Variants in CRB1 observed in about 807,000 individuals in gnomAD.
CRB1 encodes crumbs cell polarity complex component 1.
A neutral mutation model predicts 120.0 loss-of-function variants in CRB1; 83 were observed. That is an observed-to-expected ratio of 0.69 (90% CI 0.58 to 0.83). The LOEUF (loss-of-function observed/expected upper bound fraction) is 0.83. CRB1 is among the 40% of genes least tolerant of loss of function. CRB1 has a pLI of 0.00. For synonymous variants in CRB1, 625 were observed against 612.5 expected, an observed-to-expected ratio of 1.02 and a Z score of -0.30; for missense variants, 1,699 against 1,687.6, an observed-to-expected ratio of 1.01 and a Z score of -0.12.
chr1:197,374,123 AGTT>A (rs1454294908), intron 5 of CRB1, among the ~76,000 whole-genome samples: 1 of 152,122 alleles, frequency 6.6e-6, no homozygotes, highest in Non-Finnish European at 1.5e-5. Flanking sequence ...CCTTTGCTGT[AGTT>A]CGTGGTAGTG....
At chr1:197,299,636 A>C (rs918347564) in intron 1 of CRB1, among the ~76,000 whole-genome samples, 2 of 152,166 alleles carry the variant, frequency 1.3e-5, no homozygotes, top group African/African-American at 4.8e-5. Flanking sequence ...GAAAAAAAAA[A>C]CTGTAGTATA....
At chr1:197,271,986 G>A (rs937875733) in intron 1 of CRB1, among the ~76,000 whole-genome samples, 1 of 152,122 alleles carries the variant, frequency 6.6e-6, no homozygotes, top group African/African-American at 2.4e-5. Flanking sequence ...AGAGTTTGGG[G>A]TAGCATCCAG....
At chr1:197,475,586 T>C (rs565884406) in intron 11 of CRB1, among the ~76,000 whole-genome samples, 1 of 152,328 alleles carries the variant, frequency 6.6e-6, no homozygotes, top group African/African-American at 2.4e-5. Flanking sequence ...CTCCACCCTG[T>C]TACCAGAGCT....
chr1:197,298,054 C>A (rs1397489604), intron 1 of CRB1, among the ~76,000 whole-genome samples: 1 of 151,862 alleles, frequency 6.6e-6, no homozygotes, highest in East Asian at 1.9e-4. Flanking sequence ...GAGGGGAAGG[C>A]AGATACTACA....
the CRB1 span, among the ~76,000 whole-genome samples, chr1:197,249,006 C>G: frequency 2.0e-5 from 3 of 151,850 alleles, no homozygotes; most frequent in East Asian, 1.9e-4. Flanking sequence ...CTCAGCCACC[C>G]AAGTGTTCTT....
chr1:197,378,084 A>G (rs901748169), intron 5 of CRB1, among the ~76,000 whole-genome samples: 1 of 152,168 alleles, frequency 6.6e-6, no homozygotes, highest in African/African-American at 2.4e-5. Context: ...GTTGACATGT[A>G]AGTTTTCTGG....
intron 5 of CRB1, 50 bp from the exon 6 acceptor site, chr1:197,420,950 A>G (rs1664272884): frequency 8.4e-7 from 1 of 1,187,058 alleles, no homozygotes; most frequent in Non-Finnish European, 1.3e-6. Flanking sequence ...TGAAACTTCT[A>G]TTTTTGATGT....
intron 7 of CRB1, among the ~76,000 whole-genome samples, chr1:197,428,251 C>T (rs1202368578): frequency 1.1e-4 from 16 of 152,168 alleles, no homozygotes; most frequent in Non-Finnish European, 2.4e-4. Context: ...ATAGGCTTCT[C>T]TCACCCTCAC....
the CRB1 span, among the ~76,000 whole-genome samples, chr1:197,235,118 A>C: frequency 6.6e-6 from 1 of 152,176 alleles, no homozygotes; most frequent in African/African-American, 2.4e-5. Context: ...AAGTAGGCAA[A>C]TATATGGGAA....
intron 1 of CRB1, among the ~76,000 whole-genome samples, chr1:197,297,783 A>G (rs1012539050): frequency 2.0e-5 from 3 of 152,140 alleles, no homozygotes; most frequent in African/African-American, 7.2e-5. Context: ...TATAGAACTT[A>G]GAGGGGAAAA....
At chr1:197,471,958 T>G (rs1287047216) in intron 11 of CRB1, among the ~76,000 whole-genome samples, 1 of 152,220 alleles carries the variant, frequency 6.6e-6, no homozygotes, top group Non-Finnish European at 1.5e-5. Flanking sequence ...GGATGAGCAT[T>G]CGAGAGATGC....
At chr1:197,246,909 T>C in the CRB1 span, among the ~76,000 whole-genome samples, 1 of 152,082 alleles carries the variant, frequency 6.6e-6, no homozygotes, top group Non-Finnish European at 1.5e-5. Context: ...GCTTACATCA[T>C]GGAATTACTT....
chr1:197,254,627 A>G, the CRB1 span, among the ~76,000 whole-genome samples: 1 of 152,088 alleles, frequency 6.6e-6, no homozygotes, highest in Non-Finnish European at 1.5e-5. Flanking sequence ...TAAATTAACT[A>G]GAACTAGGGC....
At chr1:197,223,724 G>C in the CRB1 span, among the ~76,000 whole-genome samples, 1 of 152,126 alleles carries the variant, frequency 6.6e-6, no homozygotes, top group Non-Finnish European at 1.5e-5. Flanking sequence ...AAGAGGAAAG[G>C]TTTTTAACTT....
the CRB1 span, among the ~76,000 whole-genome samples, chr1:197,228,344 T>G: frequency 6.6e-6 from 1 of 152,214 alleles, no homozygotes; most frequent in African/African-American, 2.4e-5. Flanking sequence ...CCAAGTCACC[T>G]TTTGAATGCT....
At chr1:197,397,840 A>G (rs1484463249) in intron 5 of CRB1, among the ~76,000 whole-genome samples, 1 of 151,996 alleles carries the variant, frequency 6.6e-6, no homozygotes, top group African/African-American at 2.4e-5. Flanking sequence ...AGCATTGAGA[A>G]CTGTTTTGGA....
chr1:197,379,738 G>A (rs1661849521), intron 5 of CRB1, among the ~76,000 whole-genome samples: 1 of 151,982 alleles, frequency 6.6e-6, no homozygotes, highest in Non-Finnish European at 1.5e-5. Flanking sequence ...GTGAAGTCTG[G>A]ATGAAAGGAT....
chr1:197,221,570 G>A, the CRB1 span, among the ~76,000 whole-genome samples: 1 of 152,176 alleles, frequency 6.6e-6, no homozygotes, highest in Non-Finnish European at 1.5e-5. Context: ...TTTGAAGTAG[G>A]ATGAAACATT....
At chr1:197,273,749 C>T (rs376819712) in intron 1 of CRB1, among the ~76,000 whole-genome samples, 35 of 152,176 alleles carry the variant, frequency 2.3e-4, no homozygotes, top group East Asian at 2.1e-3. Context: ...TTTCTTTTCA[C>T]GTACTCCCCA....
Sources: gnomAD v4.1 joint callset for allele counts (sites outside exome capture counted in the v4.1 genomes callset) on GRCh38, gnomAD v4.1.1 for gene constraint, MANE v1.5 for transcripts, NCBI Gene and HGNC (gene_info 2026-07-23, HGNC 2026-07-21) for gene names.